Variants in AFF4 observed in about 807,000 individuals in gnomAD.
AFF4 encodes the protein AF4/FMR2 family member 4.
Under a neutral mutation model 124.8 loss-of-function variants are expected in AFF4, and 13 were observed. The ratio of observed to expected loss-of-function variants is 0.10; its 90% CI spans 0.07 to 0.17. The LOEUF is 0.17. Ranked by LOEUF, AFF4 falls within the 10% of genes least tolerant of loss-of-function variation. The pLI is 1.00. For missense variants in AFF4, 1,092 were observed against 1,403.8 expected, an observed-to-expected ratio of 0.78 and a Z score of 3.55; for synonymous variants, 477 against 496.1, an observed-to-expected ratio of 0.96 and a Z score of 0.51.
intron 5 of AFF4, among the ~76,000 whole-genome samples, chr5:132,912,854 A>AACACAC (rs71221402): frequency 0.015 from 2,217 of 146,716 alleles, 53 homozygotes; most frequent in African/African-American, 0.052. Flanking sequence ...ACACACACAC[A>AACACAC]ACACACACAC....
At chr5:132,902,622 T>C (rs1760579367) in intron 6 of AFF4, 135 bp from the exon 7 acceptor site, 2 of 688,196 alleles carry the variant, frequency 2.9e-6, no homozygotes, top group South Asian at 3.5e-5. Flanking sequence ...GGTAACACCT[T>C]CAAGCCCAAT....
chr5:132,903,783 A>T (rs1175056898), intron 6 of AFF4: 1 of 152,256 alleles, frequency 6.6e-6, no homozygotes, highest in Non-Finnish European at 1.5e-5. Flanking sequence ...TCATGAAGTA[A>T]GTTAAAAGAA....
At chr5:132,962,904 G>A (rs552026015) in intron 1 of AFF4, among the ~76,000 whole-genome samples, 1 of 151,792 alleles carries the variant, frequency 6.6e-6, no homozygotes. Flanking sequence ...CAGAATCTGG[G>A]CCTATTTTCT....
chr5:132,940,803 G>T (rs1761551071), intron 1 of AFF4, among the ~76,000 whole-genome samples: 1 of 152,104 alleles, frequency 6.6e-6, no homozygotes, highest in African/African-American at 2.4e-5. Context: ...GAGGCAGGCG[G>T]ATGACCTGAG....
At position 132,902,459 on chromosome 5, in the gene AFF4, A is replaced by G. The variant is rs775533534; in HGVS notation, c.1116T>C (p.Asn372=). The change falls in exon 7 of 21, where the codon AAT becomes AAC. Residue 372 remains asparagine, a synonymous_variant. Coordinates refer to ENST00000265343, the MANE Select transcript of AFF4 (RefSeq NM_014423.4). ...QKRYNPSKTS[N]GHQSKSMLKD... is the part of the protein sequence containing the mutation. ...AAACTTACGATTTAGACTGGTGCCCATTTGAAGTTTTAGAAGGATTATATC... is the reference window on the plus strand; with the variant it reads ...AAACTTACGATTTAGACTGGTGCCCGTTTGAAGTTTTAGAAGGATTATATC... 3 of 1,609,386 alleles carry G rather than the reference A, an allele frequency of 1.9e-6. No homozygotes were observed. The African/African-American group carries it at 4.0e-5, about 22-fold the overall frequency.
chr5:132,923,212 A>G (rs1279240584), intron 5 of AFF4, among the ~76,000 whole-genome samples: 1 of 150,182 alleles, frequency 6.7e-6, no homozygotes, highest in East Asian at 2.0e-4. Context: ...TCAGCCAGGC[A>G]TGGTGGTGCA....
At chr5:132,888,947 G>A in intron 14 of AFF4, 132 bp downstream of exon 14, 1 of 738,576 alleles carries the variant, frequency 1.4e-6, no homozygotes, top group Non-Finnish European at 2.3e-6. Context: ...CTGCCTGCCT[G>A]GGCCTCCAAA....
At chr5:132,892,547 TA>T in intron 12 of AFF4, 143 bp from the exon 13 acceptor site, 1 of 1,281,668 alleles carries the variant, frequency 7.8e-7, no homozygotes, top group Non-Finnish European at 1.1e-6. Context: ...TAAAACAAAA[TA>T]AGACTGTAAA....
At chr5:132,947,705 T>C (rs1425068433) in intron 1 of AFF4, among the ~76,000 whole-genome samples, 2 of 152,154 alleles carry the variant, frequency 1.3e-5, no homozygotes, top group Non-Finnish European at 2.9e-5. Context: ...GCCTCAACAG[T>C]ACATAAATCC....
chr5:132,897,742 A>G (rs1760445846), intron 10 of AFF4, among the ~76,000 whole-genome samples: 1 of 151,906 alleles, frequency 6.6e-6, no homozygotes, highest in Non-Finnish European at 1.5e-5. Context: ...TTAATGTTAT[A>G]TATGACCTTT....
chr5:132,954,167 T>C (rs559889240), intron 1 of AFF4, among the ~76,000 whole-genome samples: 1 of 152,220 alleles, frequency 6.6e-6, no homozygotes, highest in South Asian at 2.1e-4. Flanking sequence ...CAGACGACAA[T>C]TTTTCCATGG....
At position 132,934,556 on chromosome 5, in the gene AFF4, C is replaced by G; in HGVS notation, c.509G>C (p.Gly170Ala). ...GSSSRKKGQHGSEHSKSRSSS... is the reference protein window; with the variant it reads ...GSSSRKKGQHASEHSKSRSSS... ...AGAACGTGATTTGGAGTGTTCTGAT[C>G]CATGCTGGCCTTTTTTCCGGCTACT... The change falls in exon 3 of 21, where the codon GGA (glycine) becomes GCA (alanine). Residue 170 changes from glycine to alanine, a missense_variant. Physicochemically the swap from Gly to Ala is moderately conservative, Grantham distance 60 (BLOSUM62 0). Around this residue, in one of 11 missense-constraint regions of AFF4, gnomAD observed 188 missense variants for 203.0 expected, o/e 0.93. Coordinates refer to ENST00000265343, the MANE Select transcript of AFF4 (RefSeq NM_014423.4). 3.1e-6 allele frequency: 5 copies of G among 1,614,064 alleles called. No individual in the cohort carries two copies. Among genetic ancestry groups the G allele is most frequent in the Non-Finnish European group, 4.2e-6 (5 of 1,180,012 alleles).
rs902497274 is a variant in AFF4, at chr5:132,875,549, A to C, written c.*5510T>G. ...GTCTCCAAATATTTTAATTGCCATA[A>C]ATTTGTTTAAAAATACACATTAAAC... On this transcript the variant is annotated 3_prime_UTR_variant, in exon 21 of 21. Coordinates refer to ENST00000265343, the MANE Select transcript of AFF4 (RefSeq NM_014423.4). 1 of 191,130 alleles carries C rather than the reference A, an allele frequency of 5.2e-6. No homozygotes were observed. The highest frequency in any genetic ancestry group is 2.3e-5 in the African/African-American group (1 of 42,938). The allele number at this position is 191,130 out of a possible 1,614,324, so 11.8% of individuals were successfully genotyped here.
intron 1 of AFF4, among the ~76,000 whole-genome samples, chr5:132,954,275 A>G (rs1761903803): frequency 6.6e-6 from 1 of 152,198 alleles, no homozygotes; most frequent in Admixed American, 6.5e-5. Context: ...TGCAACCTAG[A>G]TCCCTTGCAT....
chr5:132,896,634 GAGT>G lies in AFF4; in HGVS notation c.1993_1995del (p.Thr665del). 1 of 1,614,050 alleles carries G rather than the reference GAGT, an allele frequency of 6.2e-7. No individual in the cohort carries two copies. Among genetic ancestry groups the G allele is most frequent in the Non-Finnish European group, 8.5e-7 (1 of 1,179,990 alleles). On this transcript the variant is annotated inframe_deletion, in exon 11 of 21. Transcript: ENST00000265343. ...GTCCTATTGCTCTCGGGGTACTTAG[GAGT>G]TTGTGAGGAAGGAGGAAGGCTCTCA...
In AFF4 at chr5:132,899,681, T is replaced by C. The variant is rs756775605; in HGVS notation, c.1134-40A>G. 3 of 1,553,026 alleles carry C rather than the reference T, an allele frequency of 1.9e-6. No homozygotes were observed. In the South Asian group the frequency reaches 3.4e-5, roughly 17 times the overall value. Reference sequence around the variant, plus strand: ...CAAAGAATTATTATTTTTGGAACAGTTTACATGGTATGCCAGAGTACTAAA... The same window carrying C: ...CAAAGAATTATTATTTTTGGAACAGCTTACATGGTATGCCAGAGTACTAAA... On this transcript the variant is annotated intron_variant, in intron 7 of 20. Coordinates refer to ENST00000265343, the MANE Select transcript of AFF4 (RefSeq NM_014423.4).
intron 5 of AFF4, among the ~76,000 whole-genome samples, chr5:132,911,967 G>T (rs1760800964): frequency 6.6e-6 from 1 of 151,808 alleles, no homozygotes; most frequent in African/African-American, 2.4e-5. Flanking sequence ...GAATTCTATA[G>T]CTGGCAAAAA....
At chr5:132,885,761 A>G (rs1447033883) in intron 18 of AFF4, among the ~76,000 whole-genome samples, 1 of 152,168 alleles carries the variant, frequency 6.6e-6, no homozygotes, top group African/African-American at 2.4e-5. Context: ...AAAGGATGGC[A>G]TGAAAACAAA....
intron 1 of AFF4, among the ~76,000 whole-genome samples, chr5:132,954,874 T>A (rs911845160): frequency 1.3e-5 from 2 of 152,186 alleles, no homozygotes; most frequent in African/African-American, 4.8e-5. Context: ...TCATTTGCTG[T>A]CCACGGATGG....
Sources: allele counts gnomAD v4.1 joint callset (sites outside exome capture counted in the v4.1 genomes callset), GRCh38; gene constraint gnomAD v4.1.1; regional missense constraint gnomAD v4.1.1; transcripts MANE v1.5; gene names NCBI Gene and HGNC (gene_info 2026-07-23, HGNC 2026-07-21).